FER: variants seen among roughly 807,000 people sequenced by gnomAD.
The protein encoded by FER is FER tyrosine kinase, also known as tyrosine-protein kinase Fer.
A neutral mutation model predicts 111.0 loss-of-function variants in FER; 63 were observed. That is an observed-to-expected ratio of 0.57 (90% confidence interval 0.46 to 0.70). The LOEUF (loss-of-function observed/expected upper bound fraction) is 0.70, where lower values mean the gene tolerates loss of function less well. Among genes scored for constraint, FER ranks in the 30% least tolerant of loss-of-function variants. FER has a pLI of 0.00. For synonymous variants in FER, 327 were observed against 313.9 expected, an observed-to-expected ratio of 1.04 and a Z score of -0.44; for missense variants, 914 against 954.0, an observed-to-expected ratio of 0.96 and a Z score of 0.55.
intron 13 of FER, among the ~76,000 whole-genome samples, chr5:108,989,104 T>C (rs183529777): frequency 1.3e-5 from 2 of 152,126 alleles, no homozygotes; most frequent in African/African-American, 4.8e-5. Flanking sequence ...CTTTTGGAGT[T>C]GATTTCCAAT....
chr5:108,838,730 T>C (rs1760928193), intron 5 of FER, among the ~76,000 whole-genome samples: 2 of 152,234 alleles, frequency 1.3e-5, no homozygotes, highest in Non-Finnish European at 2.9e-5. Flanking sequence ...TTTAGCATCA[T>C]TTTAATTTTC....
chr5:109,174,170 A>G (rs748908466), intron 17 of FER, among the ~76,000 whole-genome samples: 28 of 152,182 alleles, frequency 1.8e-4, no homozygotes, highest in Non-Finnish European at 2.8e-4. Context: ...GCGGTAAAGG[A>G]GGTCGCAAAG....
At chr5:108,998,510 C>T (rs541480592) in intron 13 of FER, among the ~76,000 whole-genome samples, 4 of 152,162 alleles carry the variant, frequency 2.6e-5, no homozygotes, top group South Asian at 2.1e-4. Flanking sequence ...TGAGATGAAC[C>T]GGATACCTCA....
rs140968065 is a variant in FER at position 109,108,338 on chromosome 5, A to G, written c.2048+7819A>G. Among the ~76,000 whole-genome samples, 34 of 152,324 alleles carry G rather than the reference A, an allele frequency of 2.2e-4. No individual in the cohort carries two copies. In the East Asian group the frequency reaches 6.5e-3, roughly 29 times the overall value. On this transcript the variant is annotated intron_variant, in intron 17 of 19. Coordinates refer to ENST00000281092, the MANE Select transcript of FER (RefSeq NM_005246.4). Reference sequence around the variant, plus strand: ...GTAAAGCAAAAGAATTAAACTATGTATTAGATATATTTATCATTTTCTTCC... The same window carrying G: ...GTAAAGCAAAAGAATTAAACTATGTGTTAGATATATTTATCATTTTCTTCC...
intron 2 of FER, among the ~76,000 whole-genome samples, chr5:108,796,098 C>T (rs1022064047): frequency 6.6e-6 from 1 of 152,180 alleles, no homozygotes; most frequent in Non-Finnish European, 1.5e-5. Context: ...CCACTTCAAG[C>T]CCAGTAACAC....
chr5:109,122,324 AT>A (rs1490832705), intron 17 of FER, among the ~76,000 whole-genome samples: 2 of 151,950 alleles, frequency 1.3e-5, no homozygotes, highest in Non-Finnish European at 2.9e-5. Context: ...TTCTTCATTG[AT>A]TCACTGGTCA....
At chr5:108,827,555 T>C (rs1324115881) in intron 3 of FER, among the ~76,000 whole-genome samples, 3 of 152,176 alleles carry the variant, frequency 2.0e-5, no homozygotes, top group South Asian at 4.1e-4. Context: ...ATTTCCTTTT[T>C]TCTGTAATTA....
chr5:108,865,985 G>A (rs915866878), intron 5 of FER, among the ~76,000 whole-genome samples: 1 of 152,196 alleles, frequency 6.6e-6, no homozygotes, highest in Admixed American at 6.5e-5. Context: ...TACACTGTTG[G>A]TGGGACTGTA....
chr5:108,792,413 T>A (rs1038537571), intron 2 of FER, among the ~76,000 whole-genome samples: 1 of 152,180 alleles, frequency 6.6e-6, no homozygotes, highest in Non-Finnish European at 1.5e-5. Context: ...TGATTTTGAC[T>A]CACTGCAACC....
intron 14 of FER, among the ~76,000 whole-genome samples, chr5:109,040,452 A>G (rs1771005162): frequency 6.6e-6 from 1 of 152,130 alleles, no homozygotes; most frequent in African/African-American, 2.4e-5. Context: ...AAGAAGAGAA[A>G]GTATATACCA....
intron 16 of FER, among the ~76,000 whole-genome samples, chr5:109,072,226 G>C (rs921651206): frequency 6.6e-6 from 1 of 150,602 alleles, no homozygotes; most frequent in Non-Finnish European, 1.5e-5. Context: ...TTAAAAACAT[G>C]ACAGAAAAAA....
intron 13 of FER, among the ~76,000 whole-genome samples, chr5:108,962,915 C>CT (rs1386534912): frequency 6.6e-5 from 10 of 152,034 alleles, no homozygotes; most frequent in African/African-American, 2.4e-4. Context: ...ATTGTAGAGT[C>CT]TAAGTTTTAG....
chr5:109,101,974 T>A (rs1177223755), intron 17 of FER, among the ~76,000 whole-genome samples: 1 of 152,154 alleles, frequency 6.6e-6, no homozygotes, highest in East Asian at 1.9e-4. Context: ...TGAAACTTTT[T>A]TTAATTTGTC....
intron 14 of FER, among the ~76,000 whole-genome samples, chr5:109,039,708 G>T (rs1039841486): frequency 4.6e-5 from 7 of 152,092 alleles, no homozygotes; most frequent in African/African-American, 1.2e-4. Flanking sequence ...CATTTTCATT[G>T]TAACAGTAAG....
intron 10 of FER, among the ~76,000 whole-genome samples, chr5:108,916,393 A>G (rs1157148107): frequency 6.6e-6 from 1 of 152,164 alleles, no homozygotes; most frequent in African/African-American, 2.4e-5. Flanking sequence ...GGTATTTAAT[A>G]AGATAAAATG....
chr5:108,925,842 T>A (rs1753660599), intron 10 of FER, among the ~76,000 whole-genome samples: 1 of 152,050 alleles, frequency 6.6e-6, no homozygotes, highest in African/African-American at 2.4e-5. Context: ...CTTATCTGGT[T>A]TATAAATTTA....
At chr5:108,775,734 A>G (rs1466882716) in intron 2 of FER, among the ~76,000 whole-genome samples, 3 of 152,220 alleles carry the variant, frequency 2.0e-5, no homozygotes, top group Non-Finnish European at 4.4e-5. Context: ...TTAAGAAAGC[A>G]TAGGAGGAGT....
At chr5:109,034,208 G>C (rs763432055) in intron 13 of FER, among the ~76,000 whole-genome samples, 3 of 151,826 alleles carry the variant, frequency 2.0e-5, no homozygotes, top group Non-Finnish European at 2.9e-5. Context: ...GTTTTTTTCT[G>C]TCTATAACTT....
chr5:109,016,474 T>C (rs937232436), intron 13 of FER, among the ~76,000 whole-genome samples: 1 of 152,096 alleles, frequency 6.6e-6, no homozygotes, highest in African/African-American at 2.4e-5. Context: ...GCAAGCAGTG[T>C]GTGAAGAAAA....
Sources: allele counts gnomAD v4.1 joint callset (sites outside exome capture counted in the v4.1 genomes callset), GRCh38; gene constraint gnomAD v4.1.1; transcripts MANE v1.5; gene names NCBI Gene and HGNC (gene_info 2026-07-23, HGNC 2026-07-21).